The following EPHA5 variants were observed in gnomAD, a reference collection of about 807,000 sequenced individuals.
EPHA5 encodes ephrin type-A receptor 5.
In EPHA5, 60 loss-of-function variants were observed where a neutral mutation model predicts 105.0. That is an observed-to-expected ratio of 0.57 (90% CI 0.46 to 0.71). EPHA5 has a LOEUF of 0.71. EPHA5 is among the 30% of genes least tolerant of loss of function. The pLI is 0.00. For missense variants in EPHA5, 1,218 were observed against 1,274.7 expected, an observed-to-expected ratio of 0.96 and a Z score of 0.68; for synonymous variants, 513 against 449.1, an observed-to-expected ratio of 1.14 and a Z score of -1.80.
At chr4:65,573,335 C>A (rs765584730) in intron 3 of EPHA5, 11 of 577,696 alleles carry the variant, frequency 1.9e-5, no homozygotes, top group Non-Finnish European at 3.1e-5. Context: ...GGCGTGAACC[C>A]GGGAGGCAGA....
rs549374010 is a variant in EPHA5 at position 65,400,339 on chromosome 4, G to A, written c.1793+4035C>T. The stretch of plus-strand genomic sequence containing the variant: ...TAAGATGATTAGCTCATAGTTTGTG[G>A]AAGGCATATCAATTGTTTTATAATC... On this transcript the variant is annotated intron_variant, in intron 8 of 16. Transcript: ENST00000613740. Among the ~76,000 whole-genome samples, 38 of 152,248 alleles carry A rather than the reference G, an allele frequency of 2.5e-4. 1 individual carries two copies. Among genetic ancestry groups the A allele is most frequent in the African/African-American group, 9.1e-4 (38 of 41,566 alleles).
At chr4:65,412,737 G>T (rs1723029076) in intron 7 of EPHA5, among the ~76,000 whole-genome samples, 1 of 152,086 alleles carries the variant, frequency 6.6e-6, no homozygotes, top group African/African-American at 2.4e-5. Flanking sequence ...AACAGGAAAT[G>T]ATTAAGTATT....
At position 65,362,699 on chromosome 4, in the gene EPHA5, T is replaced by A. The variant is rs187516280; in HGVS notation, c.2173+2318A>T. Among the ~76,000 whole-genome samples, 3 of 151,622 alleles carry A rather than the reference T, an allele frequency of 2.0e-5. No homozygotes were observed. In the Admixed American group the frequency reaches 2.0e-4, roughly 10 times the overall value. On this transcript the variant is annotated intron_variant, in intron 11 of 16. Coordinates refer to ENST00000613740, the MANE Select transcript of EPHA5 (RefSeq NM_001281766.3). ...TTGACACTAGCTCCTAAAAAATGCA[T>A]ATACAATATATGAGAAATCTGTTTG...
At chr4:65,596,681 A>AACACACAC (rs71205392) in intron 3 of EPHA5, among the ~76,000 whole-genome samples, 6,974 of 150,530 alleles carry the variant, frequency 0.046, 253 homozygotes, top group East Asian at 0.14. Flanking sequence ...ACAAAAGCAG[A>AACACACAC]ACACACACAC....
chr4:65,334,959 C>A (rs912285628), intron 15 of EPHA5, among the ~76,000 whole-genome samples: 1 of 151,860 alleles, frequency 6.6e-6, no homozygotes, highest in Admixed American at 6.6e-5. Context: ...TAAGAAGATA[C>A]GTTCTCCATT....
At chr4:65,367,295 A>G (rs1354491400) in intron 9 of EPHA5, 62 bp downstream of exon 9, 4 of 1,399,770 alleles carry the variant, frequency 2.9e-6, no homozygotes, top group Admixed American at 1.8e-5. Context: ...CTGAAAAGAA[A>G]CTTAAATAAC....
At chr4:65,378,579 T>C (rs1220281525) in intron 8 of EPHA5, among the ~76,000 whole-genome samples, 1 of 151,942 alleles carries the variant, frequency 6.6e-6, no homozygotes, top group Non-Finnish European at 1.5e-5. Context: ...TTTTTGTAAT[T>C]ACAATTTTAT....
chr4:65,324,339 ACAT>A, intron 16 of EPHA5, 120 bp from the exon 17 acceptor site: 1 of 605,088 alleles, frequency 1.7e-6, no homozygotes, highest in African/African-American at 1.9e-5. Context: ...CCTAATTTAG[ACAT>A]ACAGAGTCTA....
intron 3 of EPHA5, among the ~76,000 whole-genome samples, chr4:65,507,126 C>A (rs1006534918): frequency 3.3e-5 from 5 of 152,120 alleles, no homozygotes; most frequent in African/African-American, 1.2e-4. Flanking sequence ...AATAGGGAAT[C>A]CTTTCCCCAT....
chr4:65,662,667 T>C (rs1749652854), intron 1 of EPHA5, among the ~76,000 whole-genome samples: 1 of 152,298 alleles, frequency 6.6e-6, no homozygotes, highest in African/African-American at 2.4e-5. Context: ...TTCAGGGTCA[T>C]AGTAAAACAA....
At chr4:65,623,325 T>G (rs1267240110) in intron 2 of EPHA5, among the ~76,000 whole-genome samples, 1 of 152,094 alleles carries the variant, frequency 6.6e-6, no homozygotes, top group Non-Finnish European at 1.5e-5. Flanking sequence ...CCAAATTCCT[T>G]TAAGTGAGGG....
intron 5 of EPHA5, among the ~76,000 whole-genome samples, chr4:65,446,975 A>ATTTTTTT (rs397993760): frequency 3.7e-4 from 42 of 112,920 alleles, no homozygotes; most frequent in Non-Finnish European, 4.4e-4. Context: ...TTAAAAGCTC[A>ATTTTTTT]TTTTTTTTTT....
intron 6 of EPHA5, among the ~76,000 whole-genome samples, chr4:65,417,433 A>G (rs1184218214): frequency 1.3e-5 from 2 of 152,226 alleles, no homozygotes; most frequent in Non-Finnish European, 2.9e-5. Context: ...TAATGTAGAT[A>G]TGCTCAAATA....
intron 5 of EPHA5, among the ~76,000 whole-genome samples, chr4:65,465,560 G>T (rs13126169): frequency 7.9e-6 from 1 of 126,720 alleles, no homozygotes. Context: ...GGAAGGAAAG[G>T]AAGGAAAGGA....
intron 8 of EPHA5, among the ~76,000 whole-genome samples, chr4:65,368,735 T>C (rs569611550): frequency 6.6e-6 from 1 of 152,284 alleles, no homozygotes; most frequent in African/African-American, 2.4e-5. Context: ...AATAATAATA[T>C]AAAGATTCCT....
chr4:65,657,920 A>AAAG (rs1553962778), intron 1 of EPHA5, among the ~76,000 whole-genome samples: 1 of 135,168 alleles, frequency 7.4e-6, no homozygotes, highest in Non-Finnish European at 1.6e-5. Context: ...AAAAAAAAAA[A>AAAG]GATATTTTAC....
chr4:65,365,536 G>A (rs541389971), intron 10 of EPHA5, among the ~76,000 whole-genome samples: 9 of 148,938 alleles, frequency 6.0e-5, no homozygotes, highest in East Asian at 6.0e-4. Flanking sequence ...TCTGTCTACC[G>A]TAGTAGTAAT....
intron 14 of EPHA5, among the ~76,000 whole-genome samples, chr4:65,347,820 AC>A (rs1722365386): frequency 6.6e-6 from 1 of 152,152 alleles, no homozygotes; most frequent in African/African-American, 2.4e-5. Flanking sequence ...TACAGCTAAA[AC>A]TGTCTGGCAA....
chr4:65,537,021 A>G (rs1736356487), intron 3 of EPHA5, among the ~76,000 whole-genome samples: 2 of 151,936 alleles, frequency 1.3e-5, no homozygotes, highest in South Asian at 2.1e-4. Flanking sequence ...GGGTCAGACT[A>G]TGACTTAGAG....
Sources: gnomAD v4.1 joint callset for allele counts (sites outside exome capture counted in the v4.1 genomes callset) on GRCh38, gnomAD v4.1.1 for gene constraint, MANE v1.5 for transcripts, NCBI Gene and HGNC (gene_info 2026-07-23, HGNC 2026-07-21) for gene names.